FOXP2: variants seen among roughly 807,000 people sequenced by gnomAD.
The protein encoded by FOXP2 is forkhead box protein P2.
A neutral mutation model predicts 115.8 loss-of-function variants in FOXP2; 12 were observed. The observed-to-expected ratio is 0.10, with a 90% confidence interval of 0.07 to 0.17. The LOEUF is 0.17. Among genes scored for constraint, FOXP2 ranks in the 10% least tolerant of loss-of-function variants. The pLI is 1.00. For synonymous variants in FOXP2, 328 were observed against 297.7 expected, an observed-to-expected ratio of 1.10 and a Z score of -1.05; for missense variants, 629 against 843.5, an observed-to-expected ratio of 0.75 and a Z score of 3.15.
chr7:114,689,998 A>G lies in FOXP2; in HGVS notation c.*72A>G. On this transcript the variant is annotated 3_prime_UTR_variant, in exon 17 of 17. Coordinates refer to ENST00000350908, the MANE Select transcript of FOXP2 (RefSeq NM_014491.4). ...TCATAACCACTCCACAACCATGAAT[A>G]TTTGACAAATTTTTACTGTGACTAT... 1 of 1,575,038 alleles carries G rather than the reference A, an allele frequency of 6.3e-7. No individual in the cohort carries two copies. The highest frequency in any genetic ancestry group is 2.2e-5 in the East Asian group (1 of 44,608).
chr7:114,541,117 T>C (rs2129281306), intron 3 of FOXP2, among the ~76,000 whole-genome samples: 1 of 152,166 alleles, frequency 6.6e-6, no homozygotes, highest in Admixed American at 6.5e-5. Flanking sequence ...GATGATGACT[T>C]AAGCTTTAGA....
Position 114,692,683 on chromosome 7 carries a change from G to T in FOXP2, c.*2757G>T, listed in dbSNP as rs758148139. The T allele has an allele frequency of 2.3e-6, 1 of 444,414 alleles. No individual in the cohort carries two copies. Among genetic ancestry groups the T allele is most frequent in the South Asian group, 1.6e-5 (1 of 62,044 alleles). The allele number at this position is 444,414 out of a possible 1,614,324, so 27.5% of individuals were successfully genotyped here. A position where few individuals can be genotyped will look rare whatever the true frequency, so the allele number is the denominator to read the frequency against. ...TGAACTTCTGTGCATACCTTATAAA[G>T]CATAATGTCTGACAATTTAAATGGC... On this transcript the variant is annotated 3_prime_UTR_variant, in exon 17 of 17. Transcript: ENST00000350908.
At chr7:114,389,840 A>G (rs546522112) in intron 2 of FOXP2, among the ~76,000 whole-genome samples, 130 of 152,236 alleles carry the variant, frequency 8.5e-4, no homozygotes, top group Admixed American at 2.9e-3. Flanking sequence ...CCTGGCCAAC[A>G]TGGTGAAACC....
At chr7:114,438,825 T>C (rs1489298282) in intron 2 of FOXP2, among the ~76,000 whole-genome samples, 1 of 152,140 alleles carries the variant, frequency 6.6e-6, no homozygotes, top group Non-Finnish European at 1.5e-5. Flanking sequence ...ATATAAAATA[T>C]AATACTTAAC....
rs184140323 is a variant in FOXP2 at position 114,386,338 on chromosome 7, C to A, written c.-10-40164C>A. ...TATGGGTTTTTTAAAGCTTTTTAAG[C>A]TTTTTAAAAAAATTTTAAGCTTTTT... On this transcript the variant is annotated intron_variant, in intron 2 of 17. Coordinates refer to the FOXP2 transcript ENST00000634411. 2.8e-3 allele frequency among the ~76,000 whole-genome samples: 424 copies of A among 152,202 alleles called. 8 individuals carry two copies. Among genetic ancestry groups the A allele is most frequent in the East Asian group, 1.5e-3 (8 of 5,182 alleles).
At chr7:114,271,614 T>G (rs1329610466) in intron 1 of FOXP2, among the ~76,000 whole-genome samples, 1 of 123,286 alleles carries the variant, frequency 8.1e-6, no homozygotes, top group Admixed American at 1.0e-4. Flanking sequence ...TAATATATAA[T>G]AAATAATTAT....
chr7:114,449,466 G>C (rs1004094615), intron 2 of FOXP2, among the ~76,000 whole-genome samples: 1 of 151,848 alleles, frequency 6.6e-6, no homozygotes, highest in Non-Finnish European at 1.5e-5. Context: ...CCCAAAACAC[G>C]GTTCCCATTA....
intron 16 of FOXP2, among the ~76,000 whole-genome samples, chr7:114,677,161 G>A (rs1224806860): frequency 6.6e-5 from 8 of 120,410 alleles, no homozygotes; most frequent in East Asian, 2.9e-4. Flanking sequence ...GCAAGAATCC[G>A]TCTCAAAAAA....
chr7:114,675,983 C>T (rs988427485), intron 16 of FOXP2, among the ~76,000 whole-genome samples: 1 of 151,164 alleles, frequency 6.6e-6, no homozygotes, highest in Non-Finnish European at 1.5e-5. Flanking sequence ...AGTCTCAGCT[C>T]ACTGCAAGCT....
At chr7:114,266,981 A>T (rs979898835) in intron 1 of FOXP2, among the ~76,000 whole-genome samples, 2 of 152,226 alleles carry the variant, frequency 1.3e-5, no homozygotes, top group Non-Finnish European at 2.9e-5. Flanking sequence ...ATCTTACAAC[A>T]TGTTATAAAA....
intron 3 of FOXP2, chr7:114,561,303 T>C (rs1423156978): frequency 6.6e-6 from 1 of 152,186 alleles, no homozygotes; most frequent in Non-Finnish European, 1.5e-5. Flanking sequence ...ATATCAATTT[T>C]TTTTTCTCGA....
At chr7:114,385,841 C>T (rs1000176181) in intron 2 of FOXP2, among the ~76,000 whole-genome samples, 7 of 152,090 alleles carry the variant, frequency 4.6e-5, no homozygotes, top group African/African-American at 9.7e-5. Flanking sequence ...AAGATGGTGG[C>T]GGGCCGCTTC....
chr7:114,499,044 A>G, intron 2 of FOXP2: 1 of 624,824 alleles, frequency 1.6e-6, no homozygotes, highest in South Asian at 1.9e-5. Flanking sequence ...CACTCCCTAG[A>G]CCTACTGAAT....
chr7:114,623,146 G>A, intron 3 of FOXP2, among the ~76,000 whole-genome samples: 1 of 151,822 alleles, frequency 6.6e-6, no homozygotes, highest in East Asian at 1.9e-4. Flanking sequence ...GCTTTTATCT[G>A]TTAAGCATTA....
At chr7:114,684,356 C>T (rs1308964580) in intron 16 of FOXP2, among the ~76,000 whole-genome samples, 4 of 152,152 alleles carry the variant, frequency 2.6e-5, no homozygotes, top group Admixed American at 1.3e-4. Context: ...GGGGGACCTC[C>T]GAGGTCTTCT....
chr7:114,287,599 C>A (rs1796497752), intron 1 of FOXP2, among the ~76,000 whole-genome samples: 1 of 151,918 alleles, frequency 6.6e-6, no homozygotes, highest in African/African-American at 2.4e-5. Context: ...GTGGAAAATC[C>A]TACAAAGCTC....
chr7:114,303,462 T>G (rs1310974288), intron 2 of FOXP2, among the ~76,000 whole-genome samples: 1 of 152,212 alleles, frequency 6.6e-6, no homozygotes, highest in Non-Finnish European at 1.5e-5. Context: ...GAAGGCTTGT[T>G]TGACCAAAGC....
At position 114,683,023 on chromosome 7, in the gene FOXP2, T is replaced by C. The variant is rs977323281; in HGVS notation, c.2004-6759T>C. On this transcript the variant is annotated intron_variant, in intron 16 of 16. Coordinates refer to ENST00000350908, the MANE Select transcript of FOXP2 (RefSeq NM_014491.4). ...TTTAAAAATTGAGCATTAATAATTA[T>C]TGACTTTAGTTTGCTTTATTTTAGG... Among the ~76,000 whole-genome samples, 14 of 152,318 alleles carry C rather than the reference T, an allele frequency of 9.2e-5. No individual in the cohort carries two copies. In the South Asian group the frequency reaches 1.9e-3, roughly 20 times the overall value.
Position 114,664,569 on chromosome 7 carries a change from G to A in FOXP2, c.2003+133G>A, listed in dbSNP as rs376462394. On this transcript the variant is annotated intron_variant, in intron 16 of 16. Coordinates refer to ENST00000350908, the MANE Select transcript of FOXP2 (RefSeq NM_014491.4). The stretch of plus-strand genomic sequence containing the variant: ...TTTAAGTGGAGTTAAATTATACCAC[G>A]TTCATAATATGACAAAGTTTATCAA... 6.1e-5 allele frequency: 64 copies of A among 1,049,898 alleles called. 1 individual carries two copies. The highest frequency in any genetic ancestry group is 8.1e-5 in the Non-Finnish European group (58 of 719,896). 65.0% of individuals were successfully genotyped at this position (1,049,898 alleles called of 1,614,324 possible).
Sources: allele counts gnomAD v4.1 joint callset (sites outside exome capture counted in the v4.1 genomes callset), GRCh38; gene constraint gnomAD v4.1.1; transcripts MANE v1.5; gene names NCBI Gene and HGNC (gene_info 2026-07-23, HGNC 2026-07-21).